Variants in IFT74 observed in about 807,000 individuals in gnomAD.
IFT74 encodes intraflagellar transport protein 74 homolog.
A neutral mutation model predicts 96.7 loss-of-function variants in IFT74; 92 were observed. That is an observed-to-expected ratio of 0.95 (90% CI 0.80 to 1.13). The LOEUF (loss-of-function observed/expected upper bound fraction) is 1.13. Among genes scored for constraint, IFT74 ranks in the 50% most tolerant of loss-of-function variants. The pLI is 0.00. For missense variants in IFT74, 811 were observed against 698.2 expected (o/e 1.16, Z -1.82); for synonymous variants, 223 against 213.2 (o/e 1.05, Z -0.40).
intron 14 of IFT74, among the ~76,000 whole-genome samples, chr9:27,045,004 G>T (rs147243879): frequency 6.6e-6 from 1 of 152,170 alleles, no homozygotes; most frequent in Non-Finnish European, 1.5e-5. Flanking sequence ...GTGTCTATAC[G>T]TTGGGGCTAG....
At chr9:27,028,341 T>C (rs1829968882) in intron 12 of IFT74, among the ~76,000 whole-genome samples, 1 of 152,236 alleles carries the variant, frequency 6.6e-6, no homozygotes, top group Non-Finnish European at 1.5e-5. Context: ...AAAGTATTGT[T>C]AAATATTTTT....
chr9:27,037,921 A>G (rs1247484714), intron 13 of IFT74, among the ~76,000 whole-genome samples: 1 of 152,196 alleles, frequency 6.6e-6, no homozygotes, highest in African/African-American at 2.4e-5. Context: ...TGATCTCTCT[A>G]CTTCACTAAT....
At chr9:27,060,711 C>T (rs561331218) in intron 19 of IFT74, 60 bp downstream of exon 19, 1,164 of 1,253,256 alleles carry the variant, frequency 9.3e-4, no homozygotes, top group Non-Finnish European at 1.2e-3. Flanking sequence ...ATAGTCCCAA[C>T]ACTTTGGGAG....
chr9:26,962,872 T>C (rs12004175), intron 2 of IFT74, among the ~76,000 whole-genome samples: 7,778 of 151,638 alleles, frequency 0.051, 222 homozygotes, highest in African/African-American at 0.072. Flanking sequence ...ACATTTATAA[T>C]ATATATACCA....
chr9:27,017,206 C>T (rs1829389010), intron 11 of IFT74, among the ~76,000 whole-genome samples, 156 bp downstream of exon 11: 1 of 151,780 alleles, frequency 6.6e-6, no homozygotes, highest in South Asian at 2.1e-4. Context: ...TCTAGATTTT[C>T]TTCCTCTTTT....
chr9:26,956,435 C>G lies in IFT74; in HGVS notation c.-101C>G, dbSNP rs368296180. On this transcript the variant is annotated 5_prime_UTR_variant, in exon 1 of 20. Transcript: ENST00000380062. ...GCAGTTAGTGGGTAGGCCTGAGAGC[C>G]GAGGAAAACTGAGCGTGGGCCTCAG... is the stretch of plus-strand genomic sequence containing the variant. 1 of 152,216 alleles carries G rather than the reference C, an allele frequency of 6.6e-6. No individual in the cohort carries two copies. Among genetic ancestry groups the G allele is most frequent in the African/African-American group, 2.4e-5 (1 of 41,456 alleles). 9.4% of individuals were successfully genotyped at this position (152,216 alleles called of 1,614,324 possible). A position where few individuals can be genotyped will look rare whatever the true frequency, so the allele number is the denominator to read the frequency against.
At chr9:27,017,222 T>TATC (rs1379424163) in intron 11 of IFT74, among the ~76,000 whole-genome samples, 172 bp downstream of exon 11, 1 of 152,052 alleles carries the variant, frequency 6.6e-6, no homozygotes, top group Non-Finnish European at 1.5e-5. Context: ...CTTTTATTAT[T>TATC]ATTATTATTA....
chr9:27,010,552 C>T lies in IFT74; in HGVS notation c.727-1354C>T, dbSNP rs151313492. On this transcript the variant is annotated intron_variant, in intron 9 of 19. Coordinates refer to ENST00000380062, the MANE Select transcript of IFT74 (RefSeq NM_025103.4). ...TCGCCCGGGCTGGAGTGCAGTGGCG[C>T]GATCTCGGCTCACTGGAAGCTCCGC... is the stretch of plus-strand genomic sequence containing the variant. 2.7e-3 allele frequency among the ~76,000 whole-genome samples: 407 copies of T among 149,754 alleles called. 3 individuals are homozygous for T. The highest frequency in any genetic ancestry group is 9.7e-3 in the African/African-American group (394 of 40,660).
chr9:26,995,862 A>G, intron 8 of IFT74: 2 of 1,571,690 alleles, frequency 1.3e-6, no homozygotes, highest in South Asian at 2.4e-5. Context: ...TTAATGGAAT[A>G]CCAAGAGAGG....
chr9:27,063,626 A>G lies in IFT74; in HGVS notation c.*890A>G, dbSNP rs1820520173. Among the ~76,000 whole-genome samples, 1 of 152,040 alleles carries G rather than the reference A, an allele frequency of 6.6e-6. No homozygotes were observed. Among genetic ancestry groups the G allele is most frequent in the Non-Finnish European group, 1.5e-5 (1 of 67,952 alleles). ...CCAGCATAAAATATTACTTAAAACT[A>G]TCCTGTTTTTGCTCTGATATCATGT... On this transcript the variant is annotated 3_prime_UTR_variant, in exon 20 of 20. Coordinates refer to ENST00000380062, the MANE Select transcript of IFT74 (RefSeq NM_025103.4).
At chr9:27,012,201 C>T (rs1829116011) in intron 10 of IFT74, among the ~76,000 whole-genome samples, 1 of 152,114 alleles carries the variant, frequency 6.6e-6, no homozygotes, top group African/African-American at 2.4e-5. Context: ...CTACCTAGGA[C>T]ATGCAAAATC....
intron 8 of IFT74, among the ~76,000 whole-genome samples, chr9:26,999,223 T>G (rs1828342293): frequency 6.6e-6 from 1 of 152,206 alleles, no homozygotes; most frequent in Non-Finnish European, 1.5e-5. Context: ...AAACTAAGAA[T>G]AAATAGAACT....
chr9:27,029,414 G>A (rs1347530424), intron 13 of IFT74, among the ~76,000 whole-genome samples: 1 of 151,912 alleles, frequency 6.6e-6, no homozygotes, highest in Non-Finnish European at 1.5e-5. Context: ...TTCCTCCTAA[G>A]TTACACTTCC....
At chr9:27,046,802 G>A (rs375898249) in intron 14 of IFT74, among the ~76,000 whole-genome samples, 1 of 152,268 alleles carries the variant, frequency 6.6e-6, no homozygotes, top group East Asian at 1.9e-4. Flanking sequence ...GATTTAGGCA[G>A]TTTGAAAGTA....
chr9:26,953,611 A>G (rs10812502), upstream of IFT74, among the ~76,000 whole-genome samples: 15,533 of 151,832 alleles, frequency 0.1, 1,834 homozygotes, highest in East Asian at 0.66. Flanking sequence ...ACTTTTCTCT[A>G]TTTTACAGTA....
chr9:26,966,964 T>C lies in IFT74; in HGVS notation c.120+4877T>C, dbSNP rs992875295. Among the ~76,000 whole-genome samples, 63 of 152,116 alleles carry C rather than the reference T, an allele frequency of 4.1e-4. 2 individuals carry two copies. Among genetic ancestry groups the C allele is most frequent in the African/African-American group, 1.5e-3 (63 of 41,452 alleles). On this transcript the variant is annotated intron_variant, in intron 2 of 19. Transcript: ENST00000380062. ...ATGTTCCTTGCATCTTTGTCAAAAA[T>C]GTGTTCACTCTAGATATATGGATTT...
intron 10 of IFT74, among the ~76,000 whole-genome samples, chr9:27,012,710 T>TTTTTG: frequency 2.3e-5 from 1 of 42,880 alleles, no homozygotes; most frequent in East Asian, 3.7e-4. Context: ...AAATGTCTGT[T>TTTTTG]TTTTTTTTTT....
chr9:26,990,128 A>T lies in IFT74; in HGVS notation c.526-6A>T. ...TCTTACTAACTTATGTGTTAACTTTATTCAGCTTAAAGCTCAAAATGATCG... is the reference window on the plus strand; with the variant it reads ...TCTTACTAACTTATGTGTTAACTTTTTTCAGCTTAAAGCTCAAAATGATCG... On this transcript the variant is annotated splice_region_variant and splice_polypyrimidine_tract_variant and intron_variant, in intron 7 of 19. Coordinates refer to ENST00000380062, the MANE Select transcript of IFT74 (RefSeq NM_025103.4). 6.7e-7 allele frequency: 1 copy of T among 1,493,538 alleles called. No individual in the cohort carries two copies. 92.5% of individuals were successfully genotyped at this position (1,493,538 alleles called of 1,614,324 possible).
At chr9:27,010,231 C>T (rs904469444) in intron 9 of IFT74, among the ~76,000 whole-genome samples, 2 of 151,938 alleles carry the variant, frequency 1.3e-5, no homozygotes, top group Admixed American at 6.6e-5. Context: ...CCTCGTGATC[C>T]GCCTGCCTCG....
Sources: gnomAD v4.1 joint callset for allele counts (sites outside exome capture counted in the v4.1 genomes callset) on GRCh38, gnomAD v4.1.1 for gene constraint, MANE v1.5 for transcripts, NCBI Gene and HGNC (gene_info 2026-07-23, HGNC 2026-07-21) for gene names.